The following SYCP1 variants were observed in gnomAD, a reference collection of about 807,000 sequenced individuals.
The protein encoded by SYCP1 is synaptonemal complex protein 1.
A neutral mutation model predicts 153.1 loss-of-function variants in SYCP1; 64 were observed. That is an observed-to-expected ratio of 0.42 (90% CI 0.34 to 0.51). The LOEUF (loss-of-function observed/expected upper bound fraction) is 0.51, where lower values mean the gene tolerates loss of function less well. Among genes scored for constraint, SYCP1 ranks in the 20% least tolerant of loss-of-function variants. The pLI, the probability that SYCP1 is intolerant of heterozygous loss-of-function variation, is 0.06. For synonymous variants in SYCP1, 384 were observed against 341.8 expected, an observed-to-expected ratio of 1.12 and a Z score of -1.36; for missense variants, 997 against 1,049.0, an observed-to-expected ratio of 0.95 and a Z score of 0.68.
chr1:114,896,359 G>A (rs1371044539), intron 16 of SYCP1, among the ~76,000 whole-genome samples: 2 of 152,120 alleles, frequency 1.3e-5, no homozygotes, highest in Non-Finnish European at 2.9e-5. Context: ...AGTGCTTTCA[G>A]ATTTATTAAT....
At chr1:114,902,352 G>A (rs7522281) in intron 16 of SYCP1, among the ~76,000 whole-genome samples, 9,269 of 152,230 alleles carry the variant, frequency 0.061, 321 homozygotes, top group Middle Eastern at 0.14. Context: ...CAAACAATAT[G>A]TTGTAGGAAA....
At position 114,995,064 on chromosome 1, in the gene SYCP1, T is replaced by A. The variant is rs1674193370; in HGVS notation, c.*45T>A. 9 of 1,495,002 alleles carry A rather than the reference T, an allele frequency of 6.0e-6. No individual in the cohort carries two copies. In the East Asian group the frequency reaches 2.1e-4, roughly 35 times the overall value. The allele number at this position is 1,495,002 out of a possible 1,614,324, so 92.6% of individuals were successfully genotyped here. A position where few individuals can be genotyped will look rare whatever the true frequency, so the allele number is the denominator to read the frequency against. On this transcript the variant is annotated 3_prime_UTR_variant, in exon 32 of 32. Coordinates refer to ENST00000369522, the MANE Select transcript of SYCP1 (RefSeq NM_003176.4). ...TTAAGGAGCCTAATAACGTGAAACT[T>A]ATAGTTAATATTTTGTTCTTATTTG... is the stretch of plus-strand genomic sequence containing the variant.
chr1:114,863,392 A>G lies in SYCP1; in HGVS notation c.598+2583A>G, dbSNP rs531567206. 2.0e-5 allele frequency among the ~76,000 whole-genome samples: 3 copies of G among 152,182 alleles called. No homozygotes were observed. In the East Asian group the frequency reaches 5.8e-4, roughly 29 times the overall value. ...CATGGTGAAACCCCATCTCTACTAA[A>G]ATACAAAAAAATTAGCTGGGCATGA... is the stretch of plus-strand genomic sequence containing the variant. On this transcript the variant is annotated intron_variant, in intron 8 of 31. Transcript: ENST00000369522.
At chr1:114,879,484 C>A (rs1665767274) in intron 12 of SYCP1, among the ~76,000 whole-genome samples, 1 of 152,174 alleles carries the variant, frequency 6.6e-6, no homozygotes, top group Non-Finnish European at 1.5e-5. Context: ...AATCTCTTCT[C>A]TCCACCCCAA....
chr1:114,909,522 A>C (rs975692463), intron 16 of SYCP1, among the ~76,000 whole-genome samples: 3 of 144,314 alleles, frequency 2.1e-5, no homozygotes, highest in African/African-American at 7.9e-5. Context: ...ACACACACAC[A>C]CACACACACA....
intron 8 of SYCP1, among the ~76,000 whole-genome samples, chr1:114,869,827 C>T (rs1664993548): frequency 6.6e-6 from 1 of 152,128 alleles, no homozygotes; most frequent in Non-Finnish European, 1.5e-5. Context: ...TGATTTTCTG[C>T]CTGCTGGGTC....
chr1:114,923,617 A>G, intron 21 of SYCP1, 87 bp downstream of exon 21: 1 of 1,276,630 alleles, frequency 7.8e-7, no homozygotes, highest in Non-Finnish European at 1.0e-6. Context: ...AAAGGGAAGT[A>G]TACTGTTGTA....
At chr1:114,950,481 G>C (rs1172491942) in intron 27 of SYCP1, among the ~76,000 whole-genome samples, 5 of 151,954 alleles carry the variant, frequency 3.3e-5, no homozygotes, top group Admixed American at 3.3e-4. Context: ...AATACAAAAA[G>C]GGTAAAAATA....
At chr1:114,955,353 T>G (rs993470752) in intron 27 of SYCP1, among the ~76,000 whole-genome samples, 1 of 152,150 alleles carries the variant, frequency 6.6e-6, no homozygotes, top group Non-Finnish European at 1.5e-5. Flanking sequence ...AAAATATAAG[T>G]TCATGAGAAA....
chr1:114,918,650 GTCC>G (rs1183227765), intron 20 of SYCP1, among the ~76,000 whole-genome samples: 1 of 151,710 alleles, frequency 6.6e-6, no homozygotes, highest in Admixed American at 6.6e-5. Context: ...TTTTTTGTGT[GTCC>G]TCTTAAATTT....
At chr1:114,993,694 G>A (rs1217283388) in intron 30 of SYCP1, among the ~76,000 whole-genome samples, 1 of 151,554 alleles carries the variant, frequency 6.6e-6, no homozygotes, top group African/African-American at 2.4e-5. Context: ...TGTAAATTAA[G>A]TGACAACATT....
chr1:114,940,622 C>T (rs543527707), intron 23 of SYCP1, among the ~76,000 whole-genome samples: 1 of 152,238 alleles, frequency 6.6e-6, no homozygotes, highest in South Asian at 2.1e-4. Context: ...TGAATTGTTA[C>T]TAGAGAGCAC....
intron 27 of SYCP1, among the ~76,000 whole-genome samples, chr1:114,969,163 A>T (rs1182533076): frequency 6.6e-6 from 1 of 152,110 alleles, no homozygotes; most frequent in African/African-American, 2.4e-5. Context: ...TGGGTCAGGG[A>T]CCCACTTGAG....
chr1:114,922,675 C>T (rs1408903304), intron 20 of SYCP1, among the ~76,000 whole-genome samples: 1 of 152,066 alleles, frequency 6.6e-6, no homozygotes, highest in East Asian at 1.9e-4. Context: ...TGGGTGAGAG[C>T]AAATATCCAA....
chr1:114,927,381 T>C (rs1669328037), intron 23 of SYCP1, among the ~76,000 whole-genome samples: 1 of 151,774 alleles, frequency 6.6e-6, no homozygotes, highest in East Asian at 1.9e-4. Context: ...ACCAATAGTA[T>C]AAAAATCAGT....
At chr1:114,923,769 T>C in intron 21 of SYCP1, 1 of 257,236 alleles carries the variant, frequency 3.9e-6, no homozygotes, top group Non-Finnish European at 6.9e-6. Context: ...AAATATTTAA[T>C]GTAGACTTAA....
intron 29 of SYCP1, among the ~76,000 whole-genome samples, chr1:114,983,697 C>G (rs1278791604): frequency 6.6e-6 from 1 of 151,706 alleles, no homozygotes; most frequent in Non-Finnish European, 1.5e-5. Context: ...GTTTGGGTTT[C>G]CTAAAGAGGT....
At chr1:114,938,123 A>G (rs1197260547) in intron 23 of SYCP1, among the ~76,000 whole-genome samples, 1 of 152,166 alleles carries the variant, frequency 6.6e-6, no homozygotes, top group Non-Finnish European at 1.5e-5. Flanking sequence ...CACTATTCAC[A>G]ATAGCAAAGA....
At chr1:114,969,938 C>T (rs1289506349) in intron 27 of SYCP1, among the ~76,000 whole-genome samples, 1 of 152,184 alleles carries the variant, frequency 6.6e-6, no homozygotes, top group Non-Finnish European at 1.5e-5. Context: ...TGAGGCAACA[C>T]CCACCCCTGC....
Sources: gnomAD v4.1 joint callset for allele counts (sites outside exome capture counted in the v4.1 genomes callset) on GRCh38, gnomAD v4.1.1 for gene constraint, MANE v1.5 for transcripts, NCBI Gene and HGNC (gene_info 2026-07-23, HGNC 2026-07-21) for gene names.